The following INTS8 variants were observed in gnomAD, a reference collection of about 807,000 sequenced individuals.
INTS8 encodes protein kaonashi-1.
Under a neutral mutation model 138.9 loss-of-function variants are expected in INTS8, and 47 were observed. The ratio of observed to expected loss-of-function variants is 0.34; its 90% CI spans 0.27 to 0.43. The LOEUF is 0.43. Among genes scored for constraint, INTS8 ranks in the 20% least tolerant of loss-of-function variants. The probability of loss-of-function intolerance (pLI) is 1.00; values close to 1 mark genes in which losing one functional copy is unlikely to be tolerated. For missense variants in INTS8, 996 were observed against 1,173.0 expected (o/e 0.85, Z 2.20); for synonymous variants, 392 against 400.9 (o/e 0.98, Z 0.27).
intron 10 of INTS8, 127 bp from the exon 11 acceptor site, chr8:94,849,335 A>C: frequency 1.6e-6 from 1 of 639,464 alleles, no homozygotes. Context: ...AAGTTACTTA[A>C]CTAAATCTGT....
At chr8:94,878,180 A>T (rs1301735093) in intron 26 of INTS8, among the ~76,000 whole-genome samples, 1 of 151,986 alleles carries the variant, frequency 6.6e-6, no homozygotes, top group Non-Finnish European at 1.5e-5. Flanking sequence ...AAGTCCTACG[A>T]CTGGTGCCAC....
intron 13 of INTS8, 24 bp downstream of exon 13, chr8:94,851,710 T>TA: frequency 6.5e-7 from 1 of 1,548,960 alleles, no homozygotes; most frequent in Non-Finnish European, 8.6e-7. Flanking sequence ...CAAGAACAGA[T>TA]AAGAAAATTG....
intron 10 of INTS8, among the ~76,000 whole-genome samples, chr8:94,848,899 A>G (rs1815428675): frequency 7.9e-5 from 12 of 152,080 alleles, no homozygotes; most frequent in Admixed American, 7.9e-4. Context: ...TAATCTAATG[A>G]ATAAATTCAA....
chr8:94,851,004 T>C (rs1815523222), intron 12 of INTS8, among the ~76,000 whole-genome samples: 1 of 152,206 alleles, frequency 6.6e-6, no homozygotes, highest in African/African-American at 2.4e-5. Context: ...GAATGTCCAG[T>C]TGTAAAGGAA....
chr8:94,856,092 A>T (rs1215836408), intron 14 of INTS8, among the ~76,000 whole-genome samples: 1 of 152,182 alleles, frequency 6.6e-6, no homozygotes, highest in Admixed American at 6.5e-5. Context: ...GACCACACAA[A>T]TGTAGAATAG....
At chr8:94,841,645 T>A in intron 9 of INTS8, 54 bp downstream of exon 9, 1 of 898,162 alleles carries the variant, frequency 1.1e-6, no homozygotes. Flanking sequence ...GCAAGTGCAT[T>A]CTGGTTTATC....
intron 13 of INTS8, among the ~76,000 whole-genome samples, chr8:94,853,129 T>C (rs1348098903): frequency 1.3e-5 from 2 of 151,892 alleles, no homozygotes; most frequent in African/African-American, 4.8e-5. Flanking sequence ...CTAGGCAACA[T>C]AGCGAAACCC....
chr8:94,834,502 G>A (rs1814850844), intron 6 of INTS8, among the ~76,000 whole-genome samples: 1 of 151,854 alleles, frequency 6.6e-6, no homozygotes, highest in African/African-American at 2.4e-5. Context: ...GAGGTCAGAA[G>A]TTCTAGACCA....
chr8:94,840,552 T>C (rs1460722835), intron 8 of INTS8, among the ~76,000 whole-genome samples: 2 of 135,956 alleles, frequency 1.5e-5, no homozygotes, highest in East Asian at 4.4e-4. Context: ...GCTGAATTTT[T>C]TAATTAGTTT....
intron 26 of INTS8, among the ~76,000 whole-genome samples, chr8:94,877,570 C>G (rs1816607022): frequency 6.6e-6 from 1 of 152,130 alleles, no homozygotes; most frequent in Admixed American, 6.5e-5. Context: ...TGCTTCATAC[C>G]TTACTTCCTT....
At chr8:94,876,375 C>T in intron 25 of INTS8, 71 bp from the exon 26 acceptor site, 1 of 1,428,924 alleles carries the variant, frequency 7.0e-7, no homozygotes, top group Non-Finnish European at 9.7e-7. Context: ...CAAATCAAAA[C>T]TGAAAATGAG....
intron 22 of INTS8, 101 bp downstream of exon 22, chr8:94,873,578 G>GT (rs1328370081): frequency 1.4e-5 from 10 of 732,940 alleles, no homozygotes; most frequent in East Asian, 4.9e-5. Flanking sequence ...TAATGTGATC[G>GT]TAAGTCCCAG....
At chr8:94,862,813 C>G (rs541946613) in intron 16 of INTS8, among the ~76,000 whole-genome samples, 2 of 152,200 alleles carry the variant, frequency 1.3e-5, no homozygotes, top group Non-Finnish European at 2.9e-5. Flanking sequence ...AAAATACAAT[C>G]TGAATCAGTT....
chr8:94,855,120 A>G (rs1034299936), intron 14 of INTS8, among the ~76,000 whole-genome samples: 1 of 152,154 alleles, frequency 6.6e-6, no homozygotes, highest in Non-Finnish European at 1.5e-5. Flanking sequence ...ATGGGGCCCA[A>G]CATCTTTTTA....
intron 15 of INTS8, among the ~76,000 whole-genome samples, chr8:94,857,927 TG>T (rs1815814459): frequency 6.6e-6 from 1 of 152,262 alleles, no homozygotes; most frequent in South Asian, 2.1e-4. Context: ...AGAATCAAAA[TG>T]TCCTTGAGTG....
At chr8:94,847,598 A>G (rs575158029) in intron 10 of INTS8, among the ~76,000 whole-genome samples, 3 of 152,130 alleles carry the variant, frequency 2.0e-5, no homozygotes, top group South Asian at 2.1e-4. Flanking sequence ...TTAAGAAGTT[A>G]TTTTCTAAGG....
chr8:94,850,137 C>G (rs752097588), intron 12 of INTS8, 46 bp downstream of exon 12: 32 of 1,332,478 alleles, frequency 2.4e-5, no homozygotes, highest in Non-Finnish European at 1.8e-5. Flanking sequence ...TGTTTTGCCC[C>G]TCTATTCAAA....
rs1816761060 is a variant in INTS8, at chr8:94,880,381, C to T, written c.*147C>T. 1.9e-6 allele frequency: 1 copy of T among 531,146 alleles called. No individual in the cohort carries two copies. Among genetic ancestry groups the T allele is most frequent in the Admixed American group, 3.5e-5 (1 of 28,666 alleles). The allele number at this position is 531,146 out of a possible 1,614,324, so 32.9% of individuals were successfully genotyped here. Reference sequence around the variant, plus strand: ...ACTGAAACAAATATTAGTTTAAAAACAAACTATACAGAAGACTTCATACCG... The same window carrying T: ...ACTGAAACAAATATTAGTTTAAAAATAAACTATACAGAAGACTTCATACCG... On this transcript the variant is annotated 3_prime_UTR_variant, in exon 27 of 27. Transcript: ENST00000523731.
At chr8:94,831,105 A>C (rs939627250) in intron 5 of INTS8, among the ~76,000 whole-genome samples, 1 of 150,520 alleles carries the variant, frequency 6.6e-6, no homozygotes, top group Non-Finnish European at 1.5e-5. Context: ...CACCAGCTAA[A>C]TCTTTAAAGC....
Sources: allele counts gnomAD v4.1 joint callset (sites outside exome capture counted in the v4.1 genomes callset), GRCh38; gene constraint gnomAD v4.1.1; transcripts MANE v1.5; gene names NCBI Gene and HGNC (gene_info 2026-07-23, HGNC 2026-07-21).